The following MYO3A variants were observed in gnomAD, a reference collection of about 807,000 sequenced individuals.
The protein encoded by MYO3A is myosin-IIIa.
In MYO3A, 180 loss-of-function variants were observed where a neutral mutation model predicts 192.7. That is an observed-to-expected ratio of 0.93 (90% CI 0.83 to 1.06). The LOEUF (loss-of-function observed/expected upper bound fraction) is 1.06, where lower values mean the gene tolerates loss of function less well. Ranked by LOEUF, MYO3A falls within the 50% of genes least tolerant of loss-of-function variation. The pLI is 0.00. For missense variants in MYO3A, 1,896 were observed against 1,905.0 expected, an observed-to-expected ratio of 1.00 and a Z score of 0.09; for synonymous variants, 628 against 645.3, an observed-to-expected ratio of 0.97 and a Z score of 0.41.
At chr10:26,021,748 C>A in intron 8 of MYO3A, 100 bp downstream of exon 8, 1 of 1,500,352 alleles carries the variant, frequency 6.7e-7, no homozygotes, top group Non-Finnish European at 9.3e-7. Context: ...CAGATATATT[C>A]CAACAAGTTG....
At chr10:26,191,421 G>A (rs138175502) in intron 31 of MYO3A, among the ~76,000 whole-genome samples, 1 of 152,164 alleles carries the variant, frequency 6.6e-6, no homozygotes, top group Non-Finnish European at 1.5e-5. Context: ...AGAGGGAATG[G>A]GAGATGAACC....
chr10:26,073,757 A>G (rs1183424282), intron 14 of MYO3A, among the ~76,000 whole-genome samples: 2 of 152,236 alleles, frequency 1.3e-5, no homozygotes, highest in Admixed American at 6.5e-5. Flanking sequence ...TTCAGTTTAC[A>G]TGCCATTCTT....
chr10:25,950,998 A>G (rs1837175360), intron 2 of MYO3A, among the ~76,000 whole-genome samples: 1 of 152,168 alleles, frequency 6.6e-6, no homozygotes, highest in Non-Finnish European at 1.5e-5. Context: ...GAGAATATAG[A>G]AAAGAGCATT....
intron 17 of MYO3A, among the ~76,000 whole-genome samples, chr10:26,119,311 C>T (rs958179845): frequency 5.3e-5 from 8 of 151,930 alleles, no homozygotes; most frequent in African/African-American, 1.9e-4. Context: ...GCTTATTTTC[C>T]TACTGTCTGC....
chr10:25,971,729 A>G (rs1055482114), intron 4 of MYO3A, among the ~76,000 whole-genome samples: 9 of 152,180 alleles, frequency 5.9e-5, no homozygotes, highest in African/African-American at 2.2e-4. Flanking sequence ...TAGTTCCCTA[A>G]TATGTGACAA....
At chr10:26,207,814 T>C (rs7099347) in intron 34 of MYO3A, among the ~76,000 whole-genome samples, 46,206 of 152,066 alleles carry the variant, frequency 0.3, 9,720 homozygotes, top group African/African-American at 0.6. Context: ...TGTGAAGATG[T>C]CATTGGAATT....
intron 4 of MYO3A, among the ~76,000 whole-genome samples, chr10:25,985,959 A>C (rs1488440505): frequency 1.3e-5 from 2 of 152,222 alleles, no homozygotes; most frequent in African/African-American, 4.8e-5. Flanking sequence ...AATCCTCAAC[A>C]AAATACTAGC....
chr10:26,075,183 C>G (rs570555768), intron 14 of MYO3A, among the ~76,000 whole-genome samples: 1 of 151,872 alleles, frequency 6.6e-6, no homozygotes, highest in African/African-American at 2.4e-5. Context: ...AATGATGGCT[C>G]TAAATTTTTC....
intron 4 of MYO3A, among the ~76,000 whole-genome samples, chr10:25,970,764 C>T (rs187958404): frequency 4.9e-4 from 75 of 151,850 alleles, no homozygotes; most frequent in African/African-American, 1.8e-3. Context: ...AATTTATAGA[C>T]ATTCAAATGA....
intron 20 of MYO3A, among the ~76,000 whole-genome samples, chr10:26,137,674 C>G (rs1839929775): frequency 1.3e-5 from 2 of 152,182 alleles, no homozygotes; most frequent in Admixed American, 1.3e-4. Flanking sequence ...AATGGACATG[C>G]AAGTAAGGAA....
intron 29 of MYO3A, among the ~76,000 whole-genome samples, chr10:26,171,157 G>A (rs561355436): frequency 6.6e-6 from 1 of 152,304 alleles, no homozygotes; most frequent in East Asian, 1.9e-4. Context: ...GGGCAAGGAG[G>A]AGGGAACCCT....
At position 26,026,360 on chromosome 10, in the gene MYO3A, C is replaced by A. The variant is rs12762835; in HGVS notation, c.798-17C>A. On this transcript the variant is annotated splice_polypyrimidine_tract_variant and intron_variant, in intron 9 of 34. Transcript: ENST00000642920. ...CTAACTTATCTAATAATTGCATGTT[C>A]TTTTTTGCCAGTGCAGGTGCTTGAC... is the stretch of plus-strand genomic sequence containing the variant. 9.3e-6 allele frequency: 15 copies of A among 1,613,610 alleles called. No homozygotes were observed. In the Admixed American group the frequency reaches 1.3e-4, roughly 14 times the overall value.
At chr10:26,179,099 T>TC (rs1842482621) in intron 31 of MYO3A, among the ~76,000 whole-genome samples, 1 of 125,206 alleles carries the variant, frequency 8.0e-6, no homozygotes, top group Non-Finnish European at 1.7e-5. Context: ...ATTTTTTTTT[T>TC]TTTTTTTTTT....
At chr10:26,047,873 A>G (rs928673383) in intron 10 of MYO3A, among the ~76,000 whole-genome samples, 1 of 148,368 alleles carries the variant, frequency 6.7e-6, no homozygotes, top group Non-Finnish European at 1.5e-5. Context: ...AGTACGGATG[A>G]TAAAATTTGT....
chr10:26,150,978 T>G (rs1353542750), intron 23 of MYO3A, among the ~76,000 whole-genome samples: 1 of 152,186 alleles, frequency 6.6e-6, no homozygotes, highest in African/African-American at 2.4e-5. Flanking sequence ...CCAAATATGG[T>G]GAGATTTTTC....
In MYO3A at chr10:26,130,958, G is replaced by A. The variant is rs181038829; in HGVS notation, c.2262+2420G>A. ...AAGTCTTGGTCTACATTTTTTGGTC[G>A]AATATAATTACAGATTTGACCTAAC... On this transcript the variant is annotated intron_variant, in intron 20 of 34. Coordinates refer to ENST00000642920, the MANE Select transcript of MYO3A (RefSeq NM_017433.5). 3.2e-3 allele frequency among the ~76,000 whole-genome samples: 482 copies of A among 152,250 alleles called. 3 individuals are homozygous for A. The highest frequency in any genetic ancestry group is 0.011 in the African/African-American group (458 of 41,552).
chr10:26,204,903 G>T (rs1843840561), intron 34 of MYO3A, among the ~76,000 whole-genome samples: 2 of 152,164 alleles, frequency 1.3e-5, no homozygotes, highest in Admixed American at 1.3e-4. Flanking sequence ...AGACAAAACA[G>T]CCTTGACAGT....
chr10:25,934,815 G>C (rs1026590341), intron 1 of MYO3A, among the ~76,000 whole-genome samples: 2 of 151,906 alleles, frequency 1.3e-5, no homozygotes, highest in Non-Finnish European at 2.9e-5. Context: ...AGGAGGGAAC[G>C]GGAGGGGTGA....
intron 26 of MYO3A, 21 bp downstream of exon 26, chr10:26,157,536 G>C: frequency 6.2e-7 from 1 of 1,600,040 alleles, no homozygotes; most frequent in South Asian, 1.1e-5. Flanking sequence ...TTCTTTTTCA[G>C]TTTCTATTGT....
Sources: gnomAD v4.1 joint callset for allele counts (sites outside exome capture counted in the v4.1 genomes callset) on GRCh38, gnomAD v4.1.1 for gene constraint, MANE v1.5 for transcripts, NCBI Gene and HGNC (gene_info 2026-07-23, HGNC 2026-07-21) for gene names.